Variants in CCSER1 observed in about 807,000 individuals in gnomAD.
CCSER1 encodes coiled-coil serine rich protein 1, also known as serine-rich coiled-coil domain-containing protein 1.
CCSER1 carries 41 observed loss-of-function variants against 82.0 expected under a neutral mutation model. That is an observed-to-expected ratio of 0.50 (90% CI 0.39 to 0.65). The LOEUF is 0.65. Among genes scored for constraint, CCSER1 ranks in the 30% least tolerant of loss-of-function variants. The pLI is 0.00. For synonymous variants in CCSER1, 414 were observed against 383.9 expected (o/e 1.08, Z -0.92); for missense variants, 1,119 against 1,064.2 (o/e 1.05, Z -0.72).
intron 7 of CCSER1, among the ~76,000 whole-genome samples, chr4:90,763,577 C>T (rs1038550776): frequency 1.3e-5 from 2 of 152,096 alleles, no homozygotes; most frequent in Admixed American, 6.6e-5. Context: ...AAAGTCCCAT[C>T]GAGATGTTGG....
At chr4:90,398,931 G>A (rs951978856) in intron 3 of CCSER1, among the ~76,000 whole-genome samples, 28 of 152,116 alleles carry the variant, frequency 1.8e-4, no homozygotes, top group African/African-American at 6.8e-4. Context: ...AAGGACTAAA[G>A]TGTTCACTGT....
Position 90,942,223 on chromosome 4 carries a change from G to A in CCSER1, c.2172+18776G>A, listed in dbSNP as rs1731680618. Reference sequence around the variant, plus strand: ...CCACCTCGGTCTCCCAAAGTGCTGGGATTACAGGTGTGAGCCACTACGCCC... The same window carrying A: ...CCACCTCGGTCTCCCAAAGTGCTGGAATTACAGGTGTGAGCCACTACGCCC... On this transcript the variant is annotated intron_variant, in intron 9 of 10. Transcript: ENST00000509176. 2.6e-5 allele frequency among the ~76,000 whole-genome samples: 4 copies of A among 152,218 alleles called. No individual in the cohort carries two copies. The South Asian group carries it at 8.3e-4, about 32-fold the overall frequency.
At chr4:91,255,974 C>A (rs1560546565) in intron 10 of CCSER1, among the ~76,000 whole-genome samples, 1 of 152,104 alleles carries the variant, frequency 6.6e-6, no homozygotes, top group Non-Finnish European at 1.5e-5. Flanking sequence ...CAGAGATGTT[C>A]AGGGAACAAG....
intron 10 of CCSER1, among the ~76,000 whole-genome samples, chr4:91,407,554 A>T (rs2149367550): frequency 6.6e-6 from 1 of 152,322 alleles, no homozygotes. Context: ...AGTAATTTAT[A>T]AAGAAAAGAG....
chr4:90,521,489 T>C (rs941369608), intron 5 of CCSER1, among the ~76,000 whole-genome samples: 1 of 152,114 alleles, frequency 6.6e-6, no homozygotes, highest in Non-Finnish European at 1.5e-5. Flanking sequence ...CCCACAAGCT[T>C]TTTACCCTCA....
intron 9 of CCSER1, among the ~76,000 whole-genome samples, chr4:90,929,647 A>T (rs1038763108): frequency 6.6e-6 from 1 of 152,200 alleles, no homozygotes; most frequent in Non-Finnish European, 1.5e-5. Context: ...TGAGATCGTT[A>T]TGAGGAAAAC....
At chr4:91,147,207 G>A (rs182637604) in intron 10 of CCSER1, among the ~76,000 whole-genome samples, 2 of 152,284 alleles carry the variant, frequency 1.3e-5, no homozygotes, top group East Asian at 1.9e-4. Context: ...GCAGGGCGGT[G>A]GTTTCATGGG....
At chr4:90,411,433 A>G (rs114916801) in intron 4 of CCSER1, among the ~76,000 whole-genome samples, 13,774 of 152,188 alleles carry the variant, frequency 0.091, 1,195 homozygotes, top group African/African-American at 0.23. Context: ...CCACGATCAC[A>G]TGGGCTTCAT....
chr4:91,234,607 G>C (rs908603760), intron 10 of CCSER1, among the ~76,000 whole-genome samples: 1 of 152,148 alleles, frequency 6.6e-6, no homozygotes, highest in African/African-American at 2.4e-5. Flanking sequence ...CAGTTTTGTA[G>C]GTATAACTTG....
chr4:90,349,701 C>T (rs895141690), intron 3 of CCSER1, among the ~76,000 whole-genome samples: 1 of 151,616 alleles, frequency 6.6e-6, no homozygotes, highest in Non-Finnish European at 1.5e-5. Context: ...ATTGTGTGAA[C>T]CTCTAACAGT....
intron 7 of CCSER1, among the ~76,000 whole-genome samples, chr4:90,740,826 C>T (rs1375713605): frequency 6.6e-6 from 1 of 152,002 alleles, no homozygotes. Context: ...GCTTATTTTA[C>T]CATGCCTTCA....
chr4:90,146,684 C>A (rs1441217545), intron 1 of CCSER1, among the ~76,000 whole-genome samples: 1 of 151,998 alleles, frequency 6.6e-6, no homozygotes, highest in Non-Finnish European at 1.5e-5. Flanking sequence ...GGATTATGTT[C>A]ATAAAATACC....
chr4:91,565,063 TGTGTG>T (rs1762825230), intron 10 of CCSER1, among the ~76,000 whole-genome samples: 1 of 138,416 alleles, frequency 7.2e-6, no homozygotes, highest in South Asian at 2.5e-4. Flanking sequence ...TGTGTGTGTG[TGTGTG>T]TGTGTGTGTG....
rs74873987 is a variant in CCSER1 at position 90,908,365 on chromosome 4, A to G, written c.2095-15005A>G. 6.3e-3 allele frequency among the ~76,000 whole-genome samples: 955 copies of G among 152,186 alleles called. 5 individuals are homozygous for G. The highest frequency in any genetic ancestry group is 0.02 in the African/African-American group (850 of 41,532). Reference sequence around the variant, plus strand: ...AAAGAAAATGAGTGTGAGGAGAGTCATGTTTGCAAGTGAAAGAGTTGTGTT... The same window carrying G: ...AAAGAAAATGAGTGTGAGGAGAGTCGTGTTTGCAAGTGAAAGAGTTGTGTT... On this transcript the variant is annotated intron_variant, in intron 8 of 10. Coordinates refer to ENST00000509176, the MANE Select transcript of CCSER1 (RefSeq NM_001145065.2).
chr4:90,788,555 T>G (rs1409762930), intron 7 of CCSER1, among the ~76,000 whole-genome samples: 2 of 152,166 alleles, frequency 1.3e-5, no homozygotes, highest in African/African-American at 2.4e-5. Flanking sequence ...TCCCTGTAGG[T>G]GTCCTTTGTG....
chr4:91,083,310 G>A (rs1289862803), intron 9 of CCSER1, among the ~76,000 whole-genome samples: 1 of 151,966 alleles, frequency 6.6e-6, no homozygotes, highest in Non-Finnish European at 1.5e-5. Flanking sequence ...CTATGGCAAG[G>A]ACAGAAAACC....
At chr4:90,943,559 C>T (rs960904962) in intron 9 of CCSER1, among the ~76,000 whole-genome samples, 3 of 151,530 alleles carry the variant, frequency 2.0e-5, no homozygotes, top group South Asian at 2.1e-4. Context: ...AGACAGGAGG[C>T]GGAGACAGAA....
At chr4:90,204,909 A>G (rs1258861876) in intron 1 of CCSER1, among the ~76,000 whole-genome samples, 1 of 152,102 alleles carries the variant, frequency 6.6e-6, no homozygotes. Flanking sequence ...GGTCCTTTAC[A>G]TCCCTTGTAA....
At position 90,192,276 on chromosome 4, in the gene CCSER1, A is replaced by G. The variant is rs566157458; in HGVS notation, c.-42+64445A>G. On this transcript the variant is annotated intron_variant, in intron 1 of 10. Coordinates refer to ENST00000509176, the MANE Select transcript of CCSER1 (RefSeq NM_001145065.2). ...GAAACTCACTCACTATCATGAGAAC[A>G]GCATGGGAAAGACCTGCCCCATGAT... Among the ~76,000 whole-genome samples, 155 of 152,124 alleles carry G rather than the reference A, an allele frequency of 1.0e-3. 1 individual carries two copies. Among genetic ancestry groups the G allele is most frequent in the African/African-American group, 3.6e-3 (149 of 41,538 alleles).
Sources: gnomAD v4.1 joint callset for allele counts (sites outside exome capture counted in the v4.1 genomes callset) on GRCh38, gnomAD v4.1.1 for gene constraint, MANE v1.5 for transcripts, NCBI Gene and HGNC (gene_info 2026-07-23, HGNC 2026-07-21) for gene names.